Variants in THSD7A observed in about 807,000 individuals in gnomAD.
THSD7A encodes the protein thrombospondin type 1 domain containing 7A, also known as thrombospondin type-1 domain-containing protein 7A.
In THSD7A, 96 loss-of-function variants were observed where a neutral mutation model predicts 231.3. That is an observed-to-expected ratio of 0.41 (90% confidence interval 0.35 to 0.49). The LOEUF is 0.49. Ranked by LOEUF, THSD7A falls within the 20% of genes least tolerant of loss-of-function variation. The probability of loss-of-function intolerance (pLI) is 0.05; values close to 1 mark genes in which losing one functional copy is unlikely to be tolerated. For synonymous variants in THSD7A, 940 were observed against 743.3 expected, an observed-to-expected ratio of 1.26 and a Z score of -4.30; for missense variants, 2,290 against 2,070.2, an observed-to-expected ratio of 1.11 and a Z score of -2.06.
At chr7:11,708,385 T>C (rs2128147680) in intron 1 of THSD7A, among the ~76,000 whole-genome samples, 1 of 150,870 alleles carries the variant, frequency 6.6e-6, no homozygotes, top group East Asian at 2.0e-4. Context: ...AAAATAACCA[T>C]CAATGAGTAG....
intron 22 of THSD7A, among the ~76,000 whole-genome samples, chr7:11,405,343 G>T (rs557625025): frequency 6.6e-6 from 1 of 151,742 alleles, no homozygotes; most frequent in African/African-American, 2.4e-5. Context: ...CATTATTTTT[G>T]CCAAATCCTT....
intron 4 of THSD7A, among the ~76,000 whole-genome samples, chr7:11,584,606 T>C (rs1224399614): frequency 6.6e-6 from 1 of 152,130 alleles, no homozygotes; most frequent in Non-Finnish European, 1.5e-5. Context: ...TAAGAATACA[T>C]GCCAAGCAGA....
intron 6 of THSD7A, among the ~76,000 whole-genome samples, chr7:11,488,609 C>G (rs769282315): frequency 6.6e-6 from 1 of 152,110 alleles, no homozygotes; most frequent in Admixed American, 6.6e-5. Context: ...TTACAAATCT[C>G]GAATCCATTT....
In THSD7A at chr7:11,444,462, T is replaced by A. The variant is rs1019300231; in HGVS notation, c.3064+1599A>T. Reference sequence around the variant, plus strand: ...TGGCACATATACATCATAAAATGGATGAAGCTGGAAACCGTCATGCCCAGC... The same window carrying A: ...TGGCACATATACATCATAAAATGGAAGAAGCTGGAAACCGTCATGCCCAGC... On this transcript the variant is annotated intron_variant, in intron 13 of 27. Coordinates refer to ENST00000423059, the MANE Select transcript of THSD7A (RefSeq NM_015204.3). This position sits in a 1 kb window ranked among gnomAD's most constrained non-coding sequence, Gnocchi z 4.2. Among the ~76,000 whole-genome samples, 15 of 151,784 alleles carry A rather than the reference T, an allele frequency of 9.9e-5. No homozygotes were observed. Among genetic ancestry groups the A allele is most frequent in the African/African-American group, 3.6e-4 (15 of 41,372 alleles).
intron 4 of THSD7A, among the ~76,000 whole-genome samples, chr7:11,566,406 T>C (rs74938673): frequency 0.038 from 5,813 of 152,256 alleles, 393 homozygotes; most frequent in African/African-American, 0.13. Context: ...TCCAGAAATA[T>C]AAACTAGGGA....
intron 2 of THSD7A, among the ~76,000 whole-genome samples, chr7:11,614,273 T>C (rs1261495057): frequency 1.3e-5 from 2 of 152,166 alleles, no homozygotes; most frequent in African/African-American, 4.8e-5. Context: ...TCATAAATGG[T>C]GAGCGCTTCC....
At chr7:11,520,007 T>C (rs1287185496) in intron 6 of THSD7A, 1 of 152,232 alleles carries the variant, frequency 6.6e-6, no homozygotes, top group Non-Finnish European at 1.5e-5. Context: ...CTTGTGTCTT[T>C]CCTTTCCAAA....
intron 11 of THSD7A, among the ~76,000 whole-genome samples, chr7:11,451,053 C>CACA (rs1785127437): frequency 6.6e-6 from 1 of 151,910 alleles, no homozygotes; most frequent in Non-Finnish European, 1.5e-5. Flanking sequence ...CGGGAAGAAT[C>CACA]AATATGACTG....
At chr7:11,640,460 A>T (rs1317506516) in intron 1 of THSD7A, among the ~76,000 whole-genome samples, 3 of 152,162 alleles carry the variant, frequency 2.0e-5, no homozygotes, top group Non-Finnish European at 2.9e-5. Context: ...TACTAGTGAC[A>T]TAACTTAAAA....
rs1225833693 is a variant in THSD7A at position 11,417,471 on chromosome 7, AC to A, written c.3515del (p.Gly1172ValfsTer44). The A allele has an allele frequency of 6.2e-7, 1 of 1,605,860 alleles. No homozygotes were observed. On this transcript the variant is annotated frameshift_variant, in exon 17 of 28. Coordinates refer to ENST00000423059, the MANE Select transcript of THSD7A (RefSeq NM_015204.3). LOFTEE classifies it high-confidence loss of function. ...CPEDCVISEW[G>X]PWTQCVLPCN... ...TCACCAAAACACATTGGGTCCATGG[AC>A]CCCATTCAGATATCACACAGTCCTC...
At chr7:11,751,922 A>G (rs868455242) in intron 1 of THSD7A, among the ~76,000 whole-genome samples, 8 of 152,070 alleles carry the variant, frequency 5.3e-5, no homozygotes, top group Admixed American at 2.0e-4. Context: ...TTTTAAGGCA[A>G]TCATGTCAGG....
intron 1 of THSD7A, among the ~76,000 whole-genome samples, chr7:11,700,559 T>C (rs1309642334): frequency 6.6e-6 from 1 of 151,296 alleles, no homozygotes; most frequent in East Asian, 2.0e-4. Context: ...ATGTAAAATC[T>C]TCATTGAAAA....
In THSD7A at chr7:11,453,500, A is replaced by G. The variant is rs567813636; in HGVS notation, c.2606-6076T>C. On this transcript the variant is annotated intron_variant, in intron 11 of 27. Transcript: ENST00000423059. ...ATCCAAATTATGTTGGCTTCCATCT[A>G]AAGAGACTGATGTCAGATTTTAGTG... 1.1e-4 allele frequency among the ~76,000 whole-genome samples: 16 copies of G among 152,090 alleles called. No individual in the cohort carries two copies. In the South Asian group the frequency reaches 2.5e-3, roughly 24 times the overall value.
rs570647900 is a variant in THSD7A at position 11,528,904 on chromosome 7, G to A, written c.1822+12515C>T. On this transcript the variant is annotated intron_variant, in intron 6 of 27. Transcript: ENST00000423059. ...CTTAACACAAGGCTAAGTACCAGCG[G>A]TCTTAAAGTTTAAAGATTACTACAG... is the stretch of plus-strand genomic sequence containing the variant. Among the ~76,000 whole-genome samples, 10 of 152,168 alleles carry A rather than the reference G, an allele frequency of 6.6e-5. No individual in the cohort carries two copies. The South Asian group carries it at 1.0e-3, about 16-fold the overall frequency.
At chr7:11,605,395 G>T (rs1371014437) in intron 2 of THSD7A, among the ~76,000 whole-genome samples, 1 of 151,960 alleles carries the variant, frequency 6.6e-6, no homozygotes, top group African/African-American at 2.4e-5. Context: ...TGCAGTCTAG[G>T]GCACTGGAGT....
At chr7:11,688,934 T>C (rs888284357) in intron 1 of THSD7A, among the ~76,000 whole-genome samples, 3 of 151,962 alleles carry the variant, frequency 2.0e-5, no homozygotes, top group Middle Eastern at 3.4e-3. Flanking sequence ...ATAGACTTCA[T>C]TGGGATTCGT....
chr7:11,617,530 A>G (rs1781148680), intron 2 of THSD7A, among the ~76,000 whole-genome samples: 1 of 152,224 alleles, frequency 6.6e-6, no homozygotes, highest in African/African-American at 2.4e-5. Flanking sequence ...ACTATATTAC[A>G]TGAATGCTAA....
intron 1 of THSD7A, among the ~76,000 whole-genome samples, chr7:11,812,195 T>C (rs1239945380): frequency 6.6e-6 from 1 of 151,666 alleles, no homozygotes; most frequent in Non-Finnish European, 1.5e-5. Context: ...CTGTCAGGTT[T>C]TTTGGGAGAC....
intron 6 of THSD7A, among the ~76,000 whole-genome samples, chr7:11,497,620 C>A (rs1363915574): frequency 6.6e-6 from 1 of 152,044 alleles, no homozygotes; most frequent in Non-Finnish European, 1.5e-5. Flanking sequence ...TAGAACTTTC[C>A]ACTTGGAAAA....
Sources: allele counts gnomAD v4.1 joint callset (sites outside exome capture counted in the v4.1 genomes callset), GRCh38; gene constraint gnomAD v4.1.1; non-coding constraint Gnocchi (gnomAD v3.1); transcripts MANE v1.5; gene names NCBI Gene and HGNC (gene_info 2026-07-23, HGNC 2026-07-21).